Variants in MFSD6 observed in about 807,000 individuals in gnomAD.
MFSD6 encodes the protein major facilitator superfamily domain containing 6.
A neutral mutation model predicts 56.3 loss-of-function variants in MFSD6; 26 were observed. That is an observed-to-expected ratio of 0.46 (90% CI 0.34 to 0.64). The LOEUF is 0.64. Ranked by LOEUF, MFSD6 falls within the 30% of genes least tolerant of loss-of-function variation. The pLI is 0.01. For missense variants in MFSD6, 750 were observed against 986.2 expected (o/e 0.76, Z 3.21); for synonymous variants, 331 against 366.9 (o/e 0.90, Z 1.12).
chr2:190,411,229 G>A lies in MFSD6; in HGVS notation c.-176+2726G>A, dbSNP rs1216927969. ...GGCTGGAGTGCAGTGGCTCGATCTC[G>A]GCCTACTGCAACCTCTGCCTCCTGG... On this transcript the variant is annotated intron_variant, in intron 1 of 7. Coordinates refer to ENST00000392328, the MANE Select transcript of MFSD6 (RefSeq NM_017694.4). 4.3e-6 allele frequency: 3 copies of A among 691,796 alleles called. No individual in the cohort carries two copies. In the African/African-American group the frequency reaches 6.1e-5, roughly 14 times the overall value. The allele number at this position is 691,796 out of a possible 1,614,324, so 42.9% of individuals were successfully genotyped here.
chr2:190,453,124 G>A (rs779499715), intron 3 of MFSD6, among the ~76,000 whole-genome samples: 2 of 152,090 alleles, frequency 1.3e-5, no homozygotes, highest in South Asian at 4.1e-4. Context: ...GTTAGGTTTG[G>A]TGCCTATGAC....
chr2:190,496,703 T>C lies in MFSD6; in HGVS notation c.1892-736T>C, dbSNP rs1483240623. 6.6e-6 allele frequency among the ~76,000 whole-genome samples: 1 copy of C among 152,066 alleles called. No individual in the cohort carries two copies. The highest frequency in any genetic ancestry group is 1.9e-4 in the East Asian group (1 of 5,194). ...GTATATACACACACACACATATACA[T>C]ACATACACAATGGAATACTACTCAG... On this transcript the variant is annotated intron_variant, in intron 6 of 7. Transcript: ENST00000392328. This position sits in a 1 kb window ranked among gnomAD's most constrained non-coding sequence, Gnocchi z 4.7.
chr2:190,415,086 T>A lies in MFSD6; in HGVS notation c.-175-206T>A, dbSNP rs1393344895. On this transcript the variant is annotated intron_variant, in intron 1 of 7. Coordinates refer to ENST00000392328, the MANE Select transcript of MFSD6 (RefSeq NM_017694.4). This position sits in a 1 kb window ranked among gnomAD's most constrained non-coding sequence, Gnocchi z 4.5. ...CTTATTATTGATCACTTACTTTGTT[T>A]CAGTTGTGATTGTTGTGAAAAGTGT... Among the ~76,000 whole-genome samples, 2 of 152,232 alleles carry A rather than the reference T, an allele frequency of 1.3e-5. No homozygotes were observed. Among genetic ancestry groups the A allele is most frequent in the Non-Finnish European group, 2.9e-5 (2 of 68,034 alleles).
Position 190,437,865 on chromosome 2 carries a change from T to G in MFSD6, c.1532+304T>G, listed in dbSNP as rs370963697. The stretch of plus-strand genomic sequence containing the variant: ...CTCTCACAGTACATGTTTTCAGGTA[T>G]AGGAACACCAGCTTAGTGAACATAT... On this transcript the variant is annotated intron_variant, in intron 3 of 7. Coordinates refer to ENST00000392328, the MANE Select transcript of MFSD6 (RefSeq NM_017694.4). The surrounding 1 kb of genome is among the most constrained non-coding windows in gnomAD (Gnocchi z 5.9). Among the ~76,000 whole-genome samples the G allele has an allele frequency of 3.8e-4, 58 of 152,302 alleles. No individual in the cohort carries two copies. The highest frequency in any genetic ancestry group is 6.3e-4 in the Non-Finnish European group (43 of 68,026).
rs1387796707 is a variant in MFSD6, at chr2:190,433,348, C to T, written c.-53-2629C>T. ...TCAGATGATGAAATGGAATTGGAGC[C>T]GCTGAGCTGGATAGGTGAAGGCACT... On this transcript the variant is annotated intron_variant, in intron 2 of 7. Coordinates refer to ENST00000392328, the MANE Select transcript of MFSD6 (RefSeq NM_017694.4). The surrounding 1 kb of genome is among the most constrained non-coding windows in gnomAD (Gnocchi z 4.5). The T allele has an allele frequency of 3.3e-5, 5 of 151,980 alleles. No homozygotes were observed. The highest frequency in any genetic ancestry group is 1.9e-4 in the East Asian group (1 of 5,194). 9.4% of individuals were successfully genotyped at this position (151,980 alleles called of 1,614,324 possible).
Position 190,443,225 on chromosome 2 carries a change from A to G in MFSD6, c.1532+5664A>G, listed in dbSNP as rs1686447706. Among the ~76,000 whole-genome samples the G allele has an allele frequency of 6.6e-6, 1 of 152,214 alleles. No homozygotes were observed. Among genetic ancestry groups the G allele is most frequent in the African/African-American group, 2.4e-5 (1 of 41,452 alleles). On this transcript the variant is annotated intron_variant, in intron 3 of 7. Coordinates refer to ENST00000392328, the MANE Select transcript of MFSD6 (RefSeq NM_017694.4). This position sits in a 1 kb window ranked among gnomAD's most constrained non-coding sequence, Gnocchi z 4.2. The stretch of plus-strand genomic sequence containing the variant: ...AAAGGAACAGGACTTTAAGGATTGT[A>G]TGGTGGTTACGAGCAGAGGCTGAGT...
chr2:190,436,912 G>T lies in MFSD6; in HGVS notation c.883G>T (p.Val295Phe). ...EAIFLVILVV[V>F]IIGEFFSASS... ...TATATTCTTGGTGATCTTGGTAGTTGTCATAATAGGAGAATTTTTCAGTGC... is the reference window on the plus strand; with the variant it reads ...TATATTCTTGGTGATCTTGGTAGTTTTCATAATAGGAGAATTTTTCAGTGC... Residue 295 changes from valine to phenylalanine, a missense_variant, in exon 3 of 8, where the codon GTC becomes TTC. This residue lies in a region of MFSD6 where 376 missense variants were observed against 437.9 expected (regional missense o/e 0.86). Coordinates refer to ENST00000392328, the MANE Select transcript of MFSD6 (RefSeq NM_017694.4). The surrounding 1 kb of genome is among the most constrained non-coding windows in gnomAD (Gnocchi z 5.3). 6.2e-7 allele frequency: 1 copy of T among 1,614,220 alleles called. No homozygotes were observed. Among genetic ancestry groups the T allele is most frequent in the Non-Finnish European group, 8.5e-7 (1 of 1,180,048 alleles).
Position 190,492,887 on chromosome 2 carries a change from T to A in MFSD6, c.1891+3021T>A, listed in dbSNP as rs1435816446. Among the ~76,000 whole-genome samples the A allele has an allele frequency of 6.6e-6, 1 of 151,736 alleles. No homozygotes were observed. Among genetic ancestry groups the A allele is most frequent in the Non-Finnish European group, 1.5e-5 (1 of 67,974 alleles). On this transcript the variant is annotated intron_variant, in intron 6 of 7. Transcript: ENST00000392328. The surrounding 1 kb of genome is among the most constrained non-coding windows in gnomAD (Gnocchi z 5.2). ...AAGAGCTGAAAGGAGCTCTAAATCT[T>A]GAAACAAATCCTGGAAACACATCCA...
Position 190,475,200 on chromosome 2 carries a change from G to A in MFSD6, c.1630+5345G>A, listed in dbSNP as rs1430628993. Among the ~76,000 whole-genome samples, 9 of 152,114 alleles carry A rather than the reference G, an allele frequency of 5.9e-5. No individual in the cohort carries two copies. In the East Asian group the frequency reaches 1.2e-3, roughly 20 times the overall value. On this transcript the variant is annotated intron_variant, in intron 4 of 7. Transcript: ENST00000392328. ...CACCACTCCTATTCAACATAGTGTT[G>A]GAAGTTCTGGCCAGGGCAATCAGGC...
In MFSD6 at chr2:190,419,090, A is replaced by G. The variant is rs768427462; in HGVS notation, c.-54+3677A>G. Among the ~76,000 whole-genome samples the G allele has an allele frequency of 2.0e-5, 3 of 152,212 alleles. No homozygotes were observed. In the East Asian group the frequency reaches 5.8e-4, roughly 29 times the overall value. On this transcript the variant is annotated intron_variant, in intron 2 of 7. Coordinates refer to ENST00000392328, the MANE Select transcript of MFSD6 (RefSeq NM_017694.4). ...GTGACTGTTATAAAACTAACCTTAT[A>G]TATTTTTTTCATGACATTGGCTAAA...
intron 4 of MFSD6, among the ~76,000 whole-genome samples, chr2:190,470,359 T>TCC (rs1193534075): frequency 6.6e-6 from 1 of 152,242 alleles, no homozygotes; most frequent in African/African-American, 2.4e-5. Flanking sequence ...TGCTCAAATG[T>TCC]CCTGCCCTGA....
chr2:190,478,783 C>T (rs1258919200), intron 4 of MFSD6, among the ~76,000 whole-genome samples: 4 of 152,032 alleles, frequency 2.6e-5, no homozygotes, highest in Admixed American at 6.6e-5. Flanking sequence ...TCTGAAAAAT[C>T]AGCACTTCCG....
chr2:190,493,885 T>C (rs66479066), intron 6 of MFSD6, among the ~76,000 whole-genome samples: 30,250 of 152,010 alleles, frequency 0.2, 3,893 homozygotes, highest in Admixed American at 0.4. Flanking sequence ...GGAAAGGTCA[T>C]AGCCTAAATG....
intron 2 of MFSD6, among the ~76,000 whole-genome samples, chr2:190,430,820 A>C (rs368640121): frequency 7.8e-5 from 5 of 63,892 alleles, no homozygotes; most frequent in African/African-American, 1.7e-4. Flanking sequence ...TCCCTCCCGG[A>C]CGGGGCGGCC....
At chr2:190,409,616 T>C (rs1690472011) in intron 1 of MFSD6, among the ~76,000 whole-genome samples, 1 of 152,180 alleles carries the variant, frequency 6.6e-6, no homozygotes, top group African/African-American at 2.4e-5. Context: ...TCTAACCTCT[T>C]AAGTATAGAT....
chr2:190,444,650 G>C (rs748321702), intron 3 of MFSD6, among the ~76,000 whole-genome samples: 14 of 152,120 alleles, frequency 9.2e-5, no homozygotes, highest in Non-Finnish European at 1.8e-4. Flanking sequence ...CCATGGCAAA[G>C]CACTAAAGAA....
At position 190,437,096 on chromosome 2, in the gene MFSD6, A is replaced by G; in HGVS notation, c.1067A>G (p.Asp356Gly). The change falls in exon 3 of 8, where the codon GAT becomes GGT. Residue 356 changes from aspartate (D) to glycine (G), a missense_variant. Coordinates refer to ENST00000392328, the MANE Select transcript of MFSD6 (RefSeq NM_017694.4). The surrounding 1 kb of genome is among the most constrained non-coding windows in gnomAD (Gnocchi z 5.9). ...TACACCCACATCGAAGTGCTCATCG[A>G]TGGAAAGGGGTGTAAGCCCCCCGAG... ...IDYTHIEVLI[D>G]GKGCKPPEYR... 1 of 1,614,260 alleles carries G rather than the reference A, an allele frequency of 6.2e-7. No individual in the cohort carries two copies. Among genetic ancestry groups the G allele is most frequent in the South Asian group, 1.1e-5 (1 of 91,090 alleles).
At chr2:190,428,304 T>C (rs1054042470) in intron 2 of MFSD6, among the ~76,000 whole-genome samples, 1 of 152,226 alleles carries the variant, frequency 6.6e-6, no homozygotes, top group South Asian at 2.1e-4. Context: ...TGAACATGTT[T>C]ATAGATGTCT....
At position 190,467,879 on chromosome 2, in the gene MFSD6, C is replaced by T. The variant is rs939261043; in HGVS notation, c.1533-1879C>T. Among the ~76,000 whole-genome samples, 1 of 152,212 alleles carries T rather than the reference C, an allele frequency of 6.6e-6. No individual in the cohort carries two copies. The highest frequency in any genetic ancestry group is 6.5e-5 in the Admixed American group (1 of 15,280). The stretch of plus-strand genomic sequence containing the variant: ...TTCATTTACATATTGCCTGTGGCTG[C>T]TTTCATGCTACAGCAGCAGAGCTGA... On this transcript the variant is annotated intron_variant, in intron 3 of 7. Transcript: ENST00000392328. This position sits in a 1 kb window ranked among gnomAD's most constrained non-coding sequence, Gnocchi z 5.5.
Sources: gnomAD v4.1 joint callset for allele counts (sites outside exome capture counted in the v4.1 genomes callset) on GRCh38, gnomAD v4.1.1 for gene constraint, gnomAD v4.1.1 regional missense constraint, Gnocchi (gnomAD v3.1) non-coding constraint, MANE v1.5 for transcripts, NCBI Gene and HGNC (gene_info 2026-07-23, HGNC 2026-07-21) for gene names.